Variants in MTHFD2L observed in about 807,000 individuals in gnomAD.
MTHFD2L encodes the protein bifunctional methylenetetrahydrofolate dehydrogenase/cyclohydrolase 2, mitochondrial.
In MTHFD2L, 29 loss-of-function variants were observed where a neutral mutation model predicts 34.9. The ratio of observed to expected loss-of-function variants is 0.83; its 90% CI spans 0.62 to 1.13. MTHFD2L has a LOEUF of 1.13. MTHFD2L is among the 50% of genes most tolerant of loss of function. MTHFD2L has a pLI of 0.00. For missense variants in MTHFD2L, 481 were observed against 446.5 expected, an observed-to-expected ratio of 1.08 and a Z score of -0.70; for synonymous variants, 167 against 155.7, an observed-to-expected ratio of 1.07 and a Z score of -0.54.
rs112311044 is a variant in MTHFD2L at position 74,265,253 on chromosome 4, G to A, written c.806-16172G>A. 1.0e-3 allele frequency among the ~76,000 whole-genome samples: 158 copies of A among 152,220 alleles called. 1 individual carries two copies. Among genetic ancestry groups the A allele is most frequent in the Non-Finnish European group, 1.8e-3 (125 of 68,004 alleles). The stretch of plus-strand genomic sequence containing the variant: ...TGTAATTCAACTGGCTTATTTATGT[G>A]TCTGCAAGTCTGCCAGGGCTCTGCT... On this transcript the variant is annotated intron_variant, in intron 6 of 7. Transcript: ENST00000325278.
At chr4:74,146,261 C>G (rs1234732305) in intron 1 of MTHFD2L, among the ~76,000 whole-genome samples, 1 of 152,040 alleles carries the variant, frequency 6.6e-6, no homozygotes, top group Non-Finnish European at 1.5e-5. Flanking sequence ...GTAAACATTT[C>G]TAAGATATTA....
intron 1 of MTHFD2L, chr4:74,160,198 C>A: frequency 1.2e-6 from 1 of 857,540 alleles, no homozygotes; most frequent in Non-Finnish European, 1.6e-6. Flanking sequence ...TTAAGTCTGA[C>A]ATCTTTTCTT....
intron 3 of MTHFD2L, among the ~76,000 whole-genome samples, chr4:74,191,759 A>C (rs1302776943): frequency 6.6e-6 from 1 of 151,886 alleles, no homozygotes; most frequent in South Asian, 2.1e-4. Context: ...GGGTTTCACC[A>C]TGTTGGCCAG....
At chr4:74,263,560 T>C (rs1366085404) in intron 6 of MTHFD2L, among the ~76,000 whole-genome samples, 1 of 152,054 alleles carries the variant, frequency 6.6e-6, no homozygotes, top group East Asian at 1.9e-4. Context: ...ATTAGCTGTA[T>C]TCTGAGGTAT....
intron 1 of MTHFD2L, among the ~76,000 whole-genome samples, chr4:74,166,164 A>G (rs947968590): frequency 2.0e-5 from 3 of 152,268 alleles, no homozygotes; most frequent in African/African-American, 7.2e-5. Context: ...CAAACTAGCT[A>G]GCTTGAAACA....
rs532815269 is a variant in MTHFD2L, at chr4:74,118,067, C to T, written c.-144+3410C>T. Among the ~76,000 whole-genome samples, 5 of 152,128 alleles carry T rather than the reference C, an allele frequency of 3.3e-5. No homozygotes were observed. The East Asian group carries it at 5.8e-4, about 18-fold the overall frequency. On this transcript the variant is annotated intron_variant and NMD_transcript_variant, in intron 2 of 9. Coordinates refer to the MTHFD2L transcript ENST00000429519. ...CTGTTGTACTTACAACTCCTACAAC[C>T]GTGCTTGGTACATAGGGTGTTGAAA...
intron 6 of MTHFD2L, among the ~76,000 whole-genome samples, chr4:74,233,951 T>TGAGTAAAAC (rs1740476410): frequency 6.6e-6 from 1 of 151,872 alleles, no homozygotes; most frequent in Non-Finnish European, 1.5e-5. Context: ...ATATGTACTA[T>TGAGTAAAAC]TTCTGATTTT....
chr4:74,214,054 C>A (rs1736791395), intron 5 of MTHFD2L, among the ~76,000 whole-genome samples: 1 of 151,840 alleles, frequency 6.6e-6, no homozygotes, highest in East Asian at 1.9e-4. Context: ...TTTTTCAGCT[C>A]CATCAGGTCA....
intron 1 of MTHFD2L, among the ~76,000 whole-genome samples, chr4:74,136,235 C>A (rs6817786): frequency 0.084 from 12,730 of 151,888 alleles, 1,648 homozygotes; most frequent in African/African-American, 0.27. Context: ...CCTAAAGACT[C>A]TACCAAAAAA....
At chr4:74,267,258 C>A (rs1745397637) in intron 6 of MTHFD2L, 1 of 982,926 alleles carries the variant, frequency 1.0e-6, no homozygotes, top group African/African-American at 1.8e-5. Context: ...TGTCTGTTTG[C>A]AGGAAATACA....
chr4:74,225,193 A>G (rs1467795380), intron 5 of MTHFD2L, 109 bp from the exon 6 acceptor site: 31 of 832,064 alleles, frequency 3.7e-5, no homozygotes, highest in Non-Finnish European at 5.9e-5. Context: ...AGTCATGTCA[A>G]AGTAGCCTTT....
intron 6 of MTHFD2L, among the ~76,000 whole-genome samples, chr4:74,265,342 C>T (rs1745159038): frequency 6.6e-6 from 1 of 152,120 alleles, no homozygotes; most frequent in Admixed American, 6.5e-5. Flanking sequence ...ATCCAGAGAC[C>T]AGCATACAGG....
At chr4:74,116,406 A>T (rs1721656066) in intron 2 of MTHFD2L, among the ~76,000 whole-genome samples, 1 of 152,214 alleles carries the variant, frequency 6.6e-6, no homozygotes, top group Admixed American at 6.5e-5. Flanking sequence ...ATCACCCAAT[A>T]TAAGGAGAAC....
chr4:74,181,859 A>G (rs999103538), intron 3 of MTHFD2L: 5 of 152,168 alleles, frequency 3.3e-5, no homozygotes, highest in Admixed American at 3.3e-4. Flanking sequence ...TAGTAGGCAT[A>G]AAAAGGTGGA....
At chr4:74,206,912 T>C (rs1735429192) in intron 5 of MTHFD2L, among the ~76,000 whole-genome samples, 1 of 152,176 alleles carries the variant, frequency 6.6e-6, no homozygotes, top group Non-Finnish European at 1.5e-5. Context: ...TTTGAATTTT[T>C]ACTTTTGAGA....
chr4:74,256,337 C>T (rs569450204), intron 6 of MTHFD2L, among the ~76,000 whole-genome samples: 1 of 152,190 alleles, frequency 6.6e-6, no homozygotes, highest in Non-Finnish European at 1.5e-5. Context: ...TCTTGAACTC[C>T]TGACCTCAAG....
intron 6 of MTHFD2L, among the ~76,000 whole-genome samples, chr4:74,226,356 T>C (rs1035785897): frequency 6.6e-6 from 1 of 152,168 alleles, no homozygotes; most frequent in Non-Finnish European, 1.5e-5. Flanking sequence ...GCAGAGAATG[T>C]CTGTCTACTG....
At chr4:74,146,902 T>G (rs1322568134) in intron 1 of MTHFD2L, among the ~76,000 whole-genome samples, 1 of 152,048 alleles carries the variant, frequency 6.6e-6, no homozygotes, top group African/African-American at 2.4e-5. Context: ...ATTTATTATT[T>G]CTTCTGCTTG....
intron 3 of MTHFD2L, among the ~76,000 whole-genome samples, chr4:74,199,503 T>C (rs752196788): frequency 1.3e-5 from 2 of 152,176 alleles, no homozygotes; most frequent in Non-Finnish European, 2.9e-5. Context: ...ACCTGGCTAT[T>C]ACCAGATCTC....
Sources: allele counts gnomAD v4.1 joint callset (sites outside exome capture counted in the v4.1 genomes callset), GRCh38; gene constraint gnomAD v4.1.1; transcripts MANE v1.5; gene names NCBI Gene and HGNC (gene_info 2026-07-23, HGNC 2026-07-21).